ADRB3: variants seen among roughly 807,000 people sequenced by gnomAD.
ADRB3 encodes the protein beta-3 adrenergic receptor.
ADRB3 carries 33 observed loss-of-function variants against 23.8 expected under a neutral mutation model. The observed-to-expected ratio is 1.38, with a 90% CI of 1.05 to 1.85. The LOEUF (loss-of-function observed/expected upper bound fraction) is 1.85. Ranked by LOEUF, ADRB3 falls within the 40% of genes most tolerant of loss-of-function variation. The pLI is 0.00. For missense variants in ADRB3, 600 were observed against 579.6 expected, an observed-to-expected ratio of 1.04 and a Z score of -0.36; for synonymous variants, 289 against 273.0, an observed-to-expected ratio of 1.06 and a Z score of -0.58.
rs1028693492 is a variant in ADRB3 at position 37,965,374 on chromosome 8, G to A, written c.1096C>T (p.Arg366Cys). The change falls in exon 1 of 2, where the codon CGC (arginine) becomes TGC (cysteine). Residue 366 changes from arginine (R) to cysteine (C), a missense_variant. Physicochemically the swap from Arg to Cys is radical, Grantham distance 180. Coordinates refer to ENST00000345060, the MANE Select transcript of ADRB3 (RefSeq NM_000025.3). ...GCGGCGCAGGGCTCCGGAGGCAGGC[G>A]ACGGCCGCAGCGGCACAGAAGACGG... ...FRRLLCRCGRRLPPEPCAAAR... is the reference protein window; with the variant it reads ...FRRLLCRCGRCLPPEPCAAAR... 1 of 1,547,574 alleles carries A rather than the reference G, an allele frequency of 6.5e-7. No individual in the cohort carries two copies.
rs1457001134 is a variant in ADRB3 at position 37,963,273 on chromosome 8, AT to A, written c.*944del. 6.6e-6 allele frequency: 1 copy of A among 152,170 alleles called. No individual in the cohort carries two copies. The highest frequency in any genetic ancestry group is 2.4e-5 in the African/African-American group (1 of 41,408). 9.4% of individuals were successfully genotyped at this position (152,170 alleles called of 1,614,324 possible). A position where few individuals can be genotyped will look rare whatever the true frequency, so the allele number is the denominator to read the frequency against. ...CCCTAAACCTGGCCACAGCCAGCCC[AT>A]CCCCCTGTGGGCCCTCTGTCCAAGT... On this transcript the variant is annotated 3_prime_UTR_variant, in exon 2 of 2. Coordinates refer to ENST00000345060, the MANE Select transcript of ADRB3 (RefSeq NM_000025.3).
chr8:37,964,115 A>G lies in ADRB3; in HGVS notation c.*103T>C, dbSNP rs996953796. 1 of 1,020,098 alleles carries G rather than the reference A, an allele frequency of 9.8e-7. No individual in the cohort carries two copies. Among genetic ancestry groups the G allele is most frequent in the East Asian group, 2.4e-5 (1 of 41,422 alleles). 63.2% of individuals were successfully genotyped at this position (1,020,098 alleles called of 1,614,324 possible). A position where few individuals can be genotyped will look rare whatever the true frequency, so the allele number is the denominator to read the frequency against. On this transcript the variant is annotated 3_prime_UTR_variant, in exon 2 of 2. Coordinates refer to ENST00000345060, the MANE Select transcript of ADRB3 (RefSeq NM_000025.3). Reference sequence around the variant, plus strand: ...GCCCAGTCGTCAGGTTCTGGAGGGTAGAGTGTCACAGCCGGGGAATCCCAT... The same window carrying G: ...GCCCAGTCGTCAGGTTCTGGAGGGTGGAGTGTCACAGCCGGGGAATCCCAT...
At position 37,966,251 on chromosome 8, in the gene ADRB3, G is replaced by T. The variant is rs1045328134; in HGVS notation, c.219C>A (p.Asn73Lys). 6 of 1,613,536 alleles carry T rather than the reference G, an allele frequency of 3.7e-6. No individual in the cohort carries two copies. The highest frequency in any genetic ancestry group is 5.1e-6 in the Non-Finnish European group (6 of 1,179,828). Reference sequence around the variant, plus strand: ...CTGCGGCCAGCGAAGTCACGAACACGTTGGTCATGGTCTGGAGTCTCGGAG... The same window carrying T: ...CTGCGGCCAGCGAAGTCACGAACACTTTGGTCATGGTCTGGAGTCTCGGAG... ...AWTPRLQTMT[N>K]VFVTSLAAAD... The change falls in exon 1 of 2, where the codon AAC becomes AAA. Residue 73 changes from asparagine (N) to lysine (K), a missense_variant. Physicochemically the swap from Asn to Lys is moderately conservative, Grantham distance 94. Coordinates refer to ENST00000345060, the MANE Select transcript of ADRB3 (RefSeq NM_000025.3).
chr8:37,964,618 A>G (rs899824885), intron 1 of ADRB3, among the ~76,000 whole-genome samples: 3 of 152,132 alleles, frequency 2.0e-5, no homozygotes, highest in African/African-American at 7.2e-5. Context: ...GAGGGGGGCA[A>G]AGAACTGAGC....
At position 37,966,474 on chromosome 8, in the gene ADRB3, G is replaced by A; in HGVS notation, c.-5C>T. On this transcript the variant is annotated 5_prime_UTR_variant, in exon 1 of 2. Transcript: ENST00000345060. ...CTCGTGAGGCCACGGAGCCATCCCCGGGTCGCGCGTGGGGCGGTAGGGAAA... is the reference window on the plus strand; with the variant it reads ...CTCGTGAGGCCACGGAGCCATCCCCAGGTCGCGCGTGGGGCGGTAGGGAAA... 6.3e-7 allele frequency: 1 copy of A among 1,585,306 alleles called. No homozygotes were observed. Among genetic ancestry groups the A allele is most frequent in the South Asian group, 1.1e-5 (1 of 88,112 alleles).
rs749359112 is a variant in ADRB3 at position 37,965,679 on chromosome 8, C to G, written c.791G>C (p.Gly264Ala). The G allele has an allele frequency of 6.5e-7, 1 of 1,538,122 alleles. No homozygotes were observed. The highest frequency in any genetic ancestry group is 1.4e-5 in the African/African-American group (1 of 72,008). Residue 264 changes from glycine (G) to alanine (A), a missense_variant, in exon 1 of 2, where the codon GGG (glycine) becomes GCG (alanine). Transcript: ENST00000345060. ...CACCCCTTCGGGCGGAGCGCACGTC[C>G]CCACCGGGGCCGGGGCCAGAGAGCG... ...PSRSLAPAPV[G>A]TCAPPEGVPA...
At position 37,965,478 on chromosome 8, in the gene ADRB3, A is replaced by G; in HGVS notation, c.992T>C (p.Leu331Pro). The G allele has an allele frequency of 1.9e-6, 3 of 1,552,226 alleles. No homozygotes were observed. The highest frequency in any genetic ancestry group is 2.6e-6 in the Non-Finnish European group (3 of 1,147,452). The change falls in exon 1 of 2, where the codon CTG becomes CCG. Residue 331 changes from leucine to proline, a missense_variant. By Grantham distance (98) the Leu-to-Pro change is moderately conservative (BLOSUM62 -3). Transcript: ENST00000345060. ...SLVPGPAFLA[L>P]NWLGYANSAF... The stretch of plus-strand genomic sequence containing the variant: ...AGAATTGGCATAACCTAGCCAGTTC[A>G]GGGCAAGGAAAGCCGGGCCCGGGAC...
rs776028244 is a variant in ADRB3, at chr8:37,966,074, G to T, written c.396C>A (p.Ala132=). The T allele has an allele frequency of 1.9e-6, 3 of 1,606,946 alleles. No homozygotes were observed. The highest frequency in any genetic ancestry group is 2.5e-6 in the Non-Finnish European group (3 of 1,176,880). The change falls in exon 1 of 2, where the codon GCC becomes GCA. Residue 132 remains alanine (A), a synonymous_variant. Transcript: ENST00000345060. ...TGGTCACAGCCAGGTAGCGGTCCAC[G>T]GCCAGGGCGCACAGGGTTTCGATGC... The part of the protein sequence containing the change: ...TASIETLCAL[A]VDRYLAVTNP...
chr8:37,965,653 G>A lies in ADRB3; in HGVS notation c.817C>T (p.Pro273Ser), dbSNP rs1159295999. 5.9e-6 allele frequency: 9 copies of A among 1,534,306 alleles called. No homozygotes were observed. Among genetic ancestry groups the A allele is most frequent in the Non-Finnish European group, 7.9e-6 (9 of 1,141,012 alleles). Residue 273 changes from proline (P) to serine (S), a missense_variant, in exon 1 of 2, where the codon CCC becomes TCC. By Grantham distance (74) the Pro-to-Ser change is moderately conservative (BLOSUM62 -1). Coordinates refer to ENST00000345060, the MANE Select transcript of ADRB3 (RefSeq NM_000025.3). ...CGCGCGGGCCGCCGGCCGCAGGCGGGCACCCCTTCGGGCGGAGCGCACGTC... is the reference window on the plus strand; with the variant it reads ...CGCGCGGGCCGCCGGCCGCAGGCGGACACCCCTTCGGGCGGAGCGCACGTC... ...VGTCAPPEGVPACGRRPARLL... is the reference protein window; with the variant it reads ...VGTCAPPEGVSACGRRPARLL...
At position 37,965,730 on chromosome 8, in the gene ADRB3, G is replaced by A. The variant is rs537716848; in HGVS notation, c.740C>T (p.Pro247Leu). ...CGACGGCGCCGGCGGAGACTCCTCG[G>A]GCGGAAAGCGGCCCAGCTCCCCGCG... The part of the protein sequence containing the change: ...LLRGELGRFP[P>L]EESPPAPSRS... The change falls in exon 1 of 2, where the codon CCC becomes CTC. Residue 247 changes from proline (P) to leucine (L), a missense_variant. Physicochemically the swap from Pro to Leu is moderately conservative, Grantham distance 98. Coordinates refer to ENST00000345060, the MANE Select transcript of ADRB3 (RefSeq NM_000025.3). 6.5e-7 allele frequency: 1 copy of A among 1,549,678 alleles called. No homozygotes were observed. Among genetic ancestry groups the A allele is most frequent in the South Asian group, 1.2e-5 (1 of 84,010 alleles).
At position 37,965,684 on chromosome 8, in the gene ADRB3, C is replaced by T. The variant is rs1446658340; in HGVS notation, c.786G>A (p.Pro262=). The T allele has an allele frequency of 6.5e-7, 1 of 1,538,904 alleles. No individual in the cohort carries two copies. Among genetic ancestry groups the T allele is most frequent in the South Asian group, 1.2e-5 (1 of 82,874 alleles). ...CTTCGGGCGGAGCGCACGTCCCCAC[C>T]GGGGCCGGGGCCAGAGAGCGCGACG... is the stretch of plus-strand genomic sequence containing the variant. ...PAPSRSLAPA[P]VGTCAPPEGV... is the part of the protein sequence containing the mutation. The change falls in exon 1 of 2, where the codon CCG becomes CCA. Residue 262 remains proline (P), a synonymous_variant. Coordinates refer to ENST00000345060, the MANE Select transcript of ADRB3 (RefSeq NM_000025.3).
In ADRB3 at chr8:37,964,227, T is replaced by C. The variant is rs1234533949; in HGVS notation, c.1218A>G (p.Gly406=). 2.5e-6 allele frequency: 4 copies of C among 1,613,292 alleles called. No homozygotes were observed. Among genetic ancestry groups the C allele is most frequent in the Non-Finnish European group, 2.5e-6 (3 of 1,179,606 alleles). Residue 406 remains glycine, a synonymous_variant, in exon 2 of 2, where the codon GGA becomes GGG. Coordinates refer to ENST00000345060, the MANE Select transcript of ADRB3 (RefSeq NM_000025.3). ...TTCTTGTCCTTCAGGCCTAAGAAACTCCCCAAGAAGCCCTGGGAAAAAAAG... is the reference window on the plus strand; with the variant it reads ...TTCTTGTCCTTCAGGCCTAAGAAACCCCCCAAGAAGCCCTGGGAAAAAAAG... The part of the protein sequence containing the change: ...LCQRLDGASW[G]VS
chr8:37,965,552 C>G lies in ADRB3; in HGVS notation c.918G>C (p.Leu306Phe), dbSNP rs1563397500. Residue 306 changes from leucine (L) to phenylalanine (F), a missense_variant, in exon 1 of 2, where the codon TTG becomes TTC. Physicochemically the swap from Leu to Phe is conservative, Grantham distance 22 (BLOSUM62 0). Coordinates refer to ENST00000345060, the MANE Select transcript of ADRB3 (RefSeq NM_000025.3). Reference sequence around the variant, plus strand: ...GCAGCACGTTGGCCAGAAAGAAGGGCAACCAGCAGAGAGTGAAGGTGCCCA... The same window carrying G: ...GCAGCACGTTGGCCAGAAAGAAGGGGAACCAGCAGAGAGTGAAGGTGCCCA... ...LIMGTFTLCW[L>F]PFFLANVLRA... 4.5e-6 allele frequency: 7 copies of G among 1,550,776 alleles called. No individual in the cohort carries two copies. The highest frequency in any genetic ancestry group is 6.1e-6 in the Non-Finnish European group (7 of 1,146,976).
rs1009625001 is a variant in ADRB3 at position 37,966,441 on chromosome 8, G to C, written c.29C>G (p.Ser10Cys). Reference sequence around the variant, plus strand: ...GGGGAGGTCCGGCCATGGGGCAAGAGAGCTGTTCTCGTGAGGCCACGGAGC... The same window carrying C: ...GGGGAGGTCCGGCCATGGGGCAAGACAGCTGTTCTCGTGAGGCCACGGAGC... MAPWPHENS[S>C]LAPWPDLPTL... Residue 10 changes from serine (S) to cysteine (C), a missense_variant, in exon 1 of 2, where the codon TCT (serine) becomes TGT (cysteine). Physicochemically the swap from Ser to Cys is moderately radical, Grantham distance 112 (BLOSUM62 -1). Coordinates refer to ENST00000345060, the MANE Select transcript of ADRB3 (RefSeq NM_000025.3). 5 of 1,604,438 alleles carry C rather than the reference G, an allele frequency of 3.1e-6. No homozygotes were observed. The highest frequency in any genetic ancestry group is 2.2e-5 in the East Asian group (1 of 44,628).
chr8:37,964,111 G>A lies in ADRB3; in HGVS notation c.*107C>T. 9 of 1,003,038 alleles carry A rather than the reference G, an allele frequency of 9.0e-6. No individual in the cohort carries two copies. Among genetic ancestry groups the A allele is most frequent in the Non-Finnish European group, 1.2e-5 (8 of 642,464 alleles). 62.1% of individuals were successfully genotyped at this position (1,003,038 alleles called of 1,614,324 possible). On this transcript the variant is annotated 3_prime_UTR_variant, in exon 2 of 2. Transcript: ENST00000345060. ...CATGGCCCAGTCGTCAGGTTCTGGA[G>A]GGTAGAGTGTCACAGCCGGGGAATC...
In ADRB3 at chr8:37,965,587, C is replaced by G. The variant is rs901586844; in HGVS notation, c.883G>C (p.Gly295Arg). ...LREHRALCTLGLIMGTFTLCW... is the reference protein window; with the variant it reads ...LREHRALCTLRLIMGTFTLCW... Reference sequence around the variant, plus strand: ...AGAGTGAAGGTGCCCATGATGAGACCCAAGGTGCACAGGGCCCGGTGTTCC... The same window carrying G: ...AGAGTGAAGGTGCCCATGATGAGACGCAAGGTGCACAGGGCCCGGTGTTCC... Residue 295 changes from glycine (G) to arginine (R), a missense_variant, in exon 1 of 2, where the codon GGT (glycine) becomes CGT (arginine). By Grantham distance (125) the Gly-to-Arg change is moderately radical. Coordinates refer to ENST00000345060, the MANE Select transcript of ADRB3 (RefSeq NM_000025.3). 1 of 1,549,330 alleles carries G rather than the reference C, an allele frequency of 6.5e-7. No individual in the cohort carries two copies.
chr8:37,965,638 G>A lies in ADRB3; in HGVS notation c.832C>T (p.Arg278Trp). The A allele has an allele frequency of 6.5e-7, 1 of 1,530,954 alleles. No homozygotes were observed. The highest frequency in any genetic ancestry group is 8.8e-7 in the Non-Finnish European group (1 of 1,139,552). The allele number at this position is 1,530,954 out of a possible 1,614,324, so 94.8% of individuals were successfully genotyped here. Reference protein sequence around the residue: ...PPEGVPACGRRPARLLPLREH... With the variant: ...PPEGVPACGRWPARLLPLREH... Reference sequence around the variant, plus strand: ...CGGAGAGGCAGGAGGCGCGCGGGCCGCCGGCCGCAGGCGGGCACCCCTTCG... The same window carrying A: ...CGGAGAGGCAGGAGGCGCGCGGGCCACCGGCCGCAGGCGGGCACCCCTTCG... Residue 278 changes from arginine to tryptophan, a missense_variant, in exon 1 of 2, where the codon CGG becomes TGG. By Grantham distance (101) the Arg-to-Trp change is moderately radical. Transcript: ENST00000345060.
Position 37,964,097 on chromosome 8 carries a change from C to G in ADRB3, c.*121G>C, listed in dbSNP as rs200433258. The G allele has an allele frequency of 6.0e-6, 5 of 833,200 alleles. No individual in the cohort carries two copies. The highest frequency in any genetic ancestry group is 4.5e-5 in the Admixed American group (2 of 44,684). The allele number at this position is 833,200 out of a possible 1,614,324, so 51.6% of individuals were successfully genotyped here. On this transcript the variant is annotated 3_prime_UTR_variant, in exon 2 of 2. Coordinates refer to ENST00000345060, the MANE Select transcript of ADRB3 (RefSeq NM_000025.3). ...CCCTCCTTGGGTCACATGGCCCAGTCGTCAGGTTCTGGAGGGTAGAGTGTC... is the reference window on the plus strand; with the variant it reads ...CCCTCCTTGGGTCACATGGCCCAGTGGTCAGGTTCTGGAGGGTAGAGTGTC...
At position 37,966,107 on chromosome 8, in the gene ADRB3, C is replaced by T; in HGVS notation, c.363G>A (p.Val121=). The part of the protein sequence containing the change: ...ELWTSVDVLC[V]TASIETLCAL... ...CGCACAGGGTTTCGATGCTGGCGGT[C>T]ACACACAGCACGTCCACCGAGGTCC... Residue 121 remains valine, a synonymous_variant, in exon 1 of 2, where the codon GTG becomes GTA. Coordinates refer to ENST00000345060, the MANE Select transcript of ADRB3 (RefSeq NM_000025.3). The T allele has an allele frequency of 6.2e-7, 1 of 1,611,356 alleles. No individual in the cohort carries two copies. Among genetic ancestry groups the T allele is most frequent in the Non-Finnish European group, 8.5e-7 (1 of 1,178,980 alleles).
Sources: allele counts gnomAD v4.1 joint callset (sites outside exome capture counted in the v4.1 genomes callset), GRCh38; gene constraint gnomAD v4.1.1; transcripts MANE v1.5; gene names NCBI Gene and HGNC (gene_info 2026-07-23, HGNC 2026-07-21).